AGAP1: variants seen among roughly 807,000 people sequenced by gnomAD.
AGAP1 encodes the protein arf-GAP with GTPase, ANK repeat and PH domain-containing protein 1.
A neutral mutation model predicts 105.3 loss-of-function variants in AGAP1; 29 were observed. That is an observed-to-expected ratio of 0.28 (90% CI 0.21 to 0.38). The LOEUF (loss-of-function observed/expected upper bound fraction) is 0.38. Among genes scored for constraint, AGAP1 ranks in the 10% least tolerant of loss-of-function variants. The pLI, the probability that AGAP1 is intolerant of heterozygous loss-of-function variation, is 1.00. For synonymous variants in AGAP1, 509 were observed against 485.9 expected (o/e 1.05, Z -0.63); for missense variants, 998 against 1,165.1 (o/e 0.86, Z 2.09).
At chr2:236,117,225 G>A (rs551332228) in intron 16 of AGAP1, among the ~76,000 whole-genome samples, 2 of 152,318 alleles carry the variant, frequency 1.3e-5, no homozygotes, top group East Asian at 3.9e-4. Flanking sequence ...CAGCAGCGTA[G>A]AAGTGTTCCC....
In AGAP1 at chr2:236,101,136, T is replaced by G. The variant is rs1442531906; in HGVS notation, c.2115-19056T>G. On this transcript the variant is annotated intron_variant, in intron 16 of 17. Transcript: ENST00000304032. This position sits in a 1 kb window ranked among gnomAD's most constrained non-coding sequence, Gnocchi z 4.9. ...AATCCAAATTGATTTTCAATGTGTT[T>G]CCCTTTGGTTATTCCCCACTCCCAT... Among the ~76,000 whole-genome samples, 1 of 152,192 alleles carries G rather than the reference T, an allele frequency of 6.6e-6. No individual in the cohort carries two copies. Among genetic ancestry groups the G allele is most frequent in the Non-Finnish European group, 1.5e-5 (1 of 68,038 alleles).
At chr2:235,512,325 A>G (rs1021857210) in intron 1 of AGAP1, among the ~76,000 whole-genome samples, 3 of 152,212 alleles carry the variant, frequency 2.0e-5, no homozygotes, top group Admixed American at 1.3e-4. Context: ...GGCCAGGTGC[A>G]TTGGCTCACA....
At chr2:235,929,426 A>C (rs562781934) in intron 11 of AGAP1, among the ~76,000 whole-genome samples, 1 of 152,160 alleles carries the variant, frequency 6.6e-6, no homozygotes, top group Non-Finnish European at 1.5e-5. Context: ...GGAATCAAGC[A>C]GACCTGCCTA....
chr2:235,742,924 T>C (rs932072574), intron 4 of AGAP1, among the ~76,000 whole-genome samples: 6 of 152,184 alleles, frequency 3.9e-5, no homozygotes, highest in South Asian at 2.1e-4. Flanking sequence ...CCCAGCACTT[T>C]GGGAAGCTGA....
At chr2:235,942,035 A>G (rs1575837373) in intron 12 of AGAP1, among the ~76,000 whole-genome samples, 2 of 152,260 alleles carry the variant, frequency 1.3e-5, no homozygotes, top group East Asian at 3.9e-4. Context: ...CTCCTCTTGA[A>G]ATAGGCCTGA....
rs1956712487 is a variant in AGAP1 at position 235,787,395 on chromosome 2, C to T, written c.674-10364C>T. On this transcript the variant is annotated intron_variant, in intron 6 of 17. Coordinates refer to ENST00000304032, the MANE Select transcript of AGAP1 (RefSeq NM_001037131.3). This position sits in a 1 kb window ranked among gnomAD's most constrained non-coding sequence, Gnocchi z 4.4. Reference sequence around the variant, plus strand: ...TTAATTTCTCAGTATTTCCCCCTTGCAGATTATTCCTTCTTTGTCTGCATC... The same window carrying T: ...TTAATTTCTCAGTATTTCCCCCTTGTAGATTATTCCTTCTTTGTCTGCATC... Among the ~76,000 whole-genome samples, 1 of 152,220 alleles carries T rather than the reference C, an allele frequency of 6.6e-6. No homozygotes were observed. The highest frequency in any genetic ancestry group is 2.4e-5 in the African/African-American group (1 of 41,448).
intron 1 of AGAP1, among the ~76,000 whole-genome samples, chr2:235,529,532 G>A (rs1942973557): frequency 6.6e-6 from 1 of 152,152 alleles, no homozygotes; most frequent in African/African-American, 2.4e-5. Flanking sequence ...GGACAGCTGT[G>A]CAGTCAGCAT....
chr2:235,907,718 TAC>T (rs1163124315), intron 10 of AGAP1, among the ~76,000 whole-genome samples: 1 of 152,222 alleles, frequency 6.6e-6, no homozygotes, highest in Non-Finnish European at 1.5e-5. Context: ...CCTTATATAA[TAC>T]AGCATAGTAT....
chr2:235,782,059 C>T (rs1221657639), intron 6 of AGAP1, among the ~76,000 whole-genome samples: 2 of 152,164 alleles, frequency 1.3e-5, no homozygotes, highest in African/African-American at 4.8e-5. Context: ...AACTGGACAG[C>T]AGGACTAACT....
chr2:235,946,334 G>A lies in AGAP1; in HGVS notation c.1483+15411G>A, dbSNP rs79432727. Among the ~76,000 whole-genome samples the A allele has an allele frequency of 9.0e-3, 1,310 of 145,650 alleles. 22 individuals are homozygous for A. The highest frequency in any genetic ancestry group is 0.031 in the African/African-American group (1,225 of 39,198). ...AGAGTCTTGTTCTGTCAGCCACGCTGGGGTGCAGTGGTGTGATCTCAGCTC... is the reference window on the plus strand; with the variant it reads ...AGAGTCTTGTTCTGTCAGCCACGCTAGGGTGCAGTGGTGTGATCTCAGCTC... On this transcript the variant is annotated intron_variant, in intron 12 of 17. Transcript: ENST00000304032.
Position 235,621,312 on chromosome 2 carries a change from A to G in AGAP1, c.164-87867A>G, listed in dbSNP as rs1000788088. 6.6e-6 allele frequency among the ~76,000 whole-genome samples: 1 copy of G among 152,020 alleles called. No homozygotes were observed. Among genetic ancestry groups the G allele is most frequent in the Non-Finnish European group, 1.5e-5 (1 of 67,998 alleles). On this transcript the variant is annotated intron_variant, in intron 1 of 17. Coordinates refer to ENST00000304032, the MANE Select transcript of AGAP1 (RefSeq NM_001037131.3). The surrounding 1 kb of genome is among the most constrained non-coding windows in gnomAD (Gnocchi z 4.1). ...GCTAGGATTACAGGTGTGAGCCACC[A>G]CGCCCAGCCGATCTATTTAATTTCA...
rs1475093651 is a variant in AGAP1 at position 235,635,664 on chromosome 2, C to T, written c.164-73515C>T. 6.6e-6 allele frequency among the ~76,000 whole-genome samples: 1 copy of T among 152,036 alleles called. No homozygotes were observed. Among genetic ancestry groups the T allele is most frequent in the African/African-American group, 2.4e-5 (1 of 41,392 alleles). On this transcript the variant is annotated intron_variant, in intron 1 of 17. Coordinates refer to ENST00000304032, the MANE Select transcript of AGAP1 (RefSeq NM_001037131.3). The surrounding 1 kb of genome is among the most constrained non-coding windows in gnomAD (Gnocchi z 5.3). Reference sequence around the variant, plus strand: ...TCAGAGTTAGCCATGGCACCTTCTCCAAAGCTGCCTCGCTCCTGCACTGAT... The same window carrying T: ...TCAGAGTTAGCCATGGCACCTTCTCTAAAGCTGCCTCGCTCCTGCACTGAT...
Position 236,000,734 on chromosome 2 carries a change from C to T in AGAP1, c.1645+32111C>T, listed in dbSNP as rs1022772410. On this transcript the variant is annotated intron_variant, in intron 13 of 17. Transcript: ENST00000304032. This position sits in a 1 kb window ranked among gnomAD's most constrained non-coding sequence, Gnocchi z 4.3. ...GAGGCAATCAGCCCCGATGGTGTGG[C>T]GGGGCAGGTACTAGAGATTGTGTTT... Among the ~76,000 whole-genome samples the T allele has an allele frequency of 3.9e-5, 6 of 152,174 alleles. No individual in the cohort carries two copies. Among genetic ancestry groups the T allele is most frequent in the Non-Finnish European group, 7.4e-5 (5 of 68,026 alleles).
chr2:235,512,203 G>A (rs1445117733), intron 1 of AGAP1, among the ~76,000 whole-genome samples: 1 of 152,244 alleles, frequency 6.6e-6, no homozygotes, highest in African/African-American at 2.4e-5. Context: ...GCAGATGGCT[G>A]CATCTTGTTT....
At position 236,127,795 on chromosome 2, in the gene AGAP1, C is replaced by T. The variant is rs2060025522; in HGVS notation, c.*3673C>T. On this transcript the variant is annotated 3_prime_UTR_variant, in exon 18 of 18. Transcript: ENST00000304032. This position sits in a 1 kb window ranked among gnomAD's most constrained non-coding sequence, Gnocchi z 6.6. ...GACCCCTAGGCTCAGCTGGCCCTGCCATCCTTCCAGAGGATTCCTCTGCAA... is the reference window on the plus strand; with the variant it reads ...GACCCCTAGGCTCAGCTGGCCCTGCTATCCTTCCAGAGGATTCCTCTGCAA... The T allele has an allele frequency of 6.6e-6, 1 of 152,242 alleles. No individual in the cohort carries two copies. Among genetic ancestry groups the T allele is most frequent in the Admixed American group, 6.5e-5 (1 of 15,286 alleles). 9.4% of individuals were successfully genotyped at this position (152,242 alleles called of 1,614,324 possible). A position where few individuals can be genotyped will look rare whatever the true frequency, so the allele number is the denominator to read the frequency against.
rs2056108323 is a variant in AGAP1, at chr2:236,001,250, A to G, written c.1645+32627A>G. Among the ~76,000 whole-genome samples the G allele has an allele frequency of 6.6e-6, 1 of 152,218 alleles. No individual in the cohort carries two copies. The highest frequency in any genetic ancestry group is 1.5e-5 in the Non-Finnish European group (1 of 68,032). ...GGGACAGGTCCTCCGGGGAGCCTTC[A>G]TGGGGAGCCCTGGCATGGCCTTCAG... On this transcript the variant is annotated intron_variant, in intron 13 of 17. Coordinates refer to ENST00000304032, the MANE Select transcript of AGAP1 (RefSeq NM_001037131.3). This position sits in a 1 kb window ranked among gnomAD's most constrained non-coding sequence, Gnocchi z 4.7.
rs2058241701 is a variant in AGAP1, at chr2:236,062,930, G to A, written c.2114+13649G>A. On this transcript the variant is annotated intron_variant, in intron 16 of 17. Transcript: ENST00000304032. The surrounding 1 kb of genome is among the most constrained non-coding windows in gnomAD (Gnocchi z 4.2). ...CCACCTTGGCCTCCCAGAGTGCTGG[G>A]ATTACAAGTATGAGCCACCGTGCCT... Among the ~76,000 whole-genome samples the A allele has an allele frequency of 6.6e-6, 1 of 152,012 alleles. No individual in the cohort carries two copies. Among genetic ancestry groups the A allele is most frequent in the South Asian group, 2.1e-4 (1 of 4,818 alleles).
chr2:235,701,383 A>T lies in AGAP1; in HGVS notation c.164-7796A>T, dbSNP rs1415357643. On this transcript the variant is annotated intron_variant, in intron 1 of 17. Transcript: ENST00000304032. The surrounding 1 kb of genome is among the most constrained non-coding windows in gnomAD (Gnocchi z 4.1). The stretch of plus-strand genomic sequence containing the variant: ...CTTGGAATTGCAGGCAGTGGCGTGG[A>T]TGTACCTGCAGGGGTGGGCATGGTG... 1.3e-5 allele frequency among the ~76,000 whole-genome samples: 2 copies of T among 151,876 alleles called. No homozygotes were observed. Among genetic ancestry groups the T allele is most frequent in the Non-Finnish European group, 2.9e-5 (2 of 67,978 alleles).
chr2:235,763,338 T>G (rs1954628804), intron 6 of AGAP1, among the ~76,000 whole-genome samples: 1 of 152,106 alleles, frequency 6.6e-6, no homozygotes, highest in South Asian at 2.1e-4. Context: ...TTTCCAAGCA[T>G]TTTGGACAAG....
Sources: gnomAD v4.1 joint callset for allele counts (sites outside exome capture counted in the v4.1 genomes callset) on GRCh38, gnomAD v4.1.1 for gene constraint, Gnocchi (gnomAD v3.1) non-coding constraint, MANE v1.5 for transcripts, NCBI Gene and HGNC (gene_info 2026-07-23, HGNC 2026-07-21) for gene names.